KLHL2: variants seen among roughly 807,000 people sequenced by gnomAD.
KLHL2 encodes kelch like family member 2.
A neutral mutation model predicts 75.8 loss-of-function variants in KLHL2; 15 were observed. The observed-to-expected ratio is 0.20, with a 90% confidence interval of 0.13 to 0.30. KLHL2 has a LOEUF of 0.30. Ranked by LOEUF, KLHL2 falls within the 10% of genes least tolerant of loss-of-function variation. KLHL2 has a pLI of 1.00. For synonymous variants in KLHL2, 214 were observed against 251.9 expected (o/e 0.85, Z 1.42); for missense variants, 381 against 741.0 (o/e 0.51, Z 5.64).
chr4:165,218,104 A>T (rs2110972972), intron 1 of KLHL2, among the ~76,000 whole-genome samples: 1 of 152,194 alleles, frequency 6.6e-6, no homozygotes, highest in South Asian at 2.1e-4. Flanking sequence ...TCCCTAAGCC[A>T]CTGTCATTTT....
intron 9 of KLHL2, among the ~76,000 whole-genome samples, chr4:165,308,953 CA>C (rs971499910): frequency 1.3e-5 from 2 of 152,046 alleles, no homozygotes; most frequent in Non-Finnish European, 2.9e-5. Context: ...TGTATTTTTA[CA>C]GGGGTGGGGG....
At chr4:165,217,044 T>C (rs1177956898) in intron 1 of KLHL2, among the ~76,000 whole-genome samples, 2 of 152,182 alleles carry the variant, frequency 1.3e-5, no homozygotes, top group Admixed American at 6.5e-5. Flanking sequence ...ATATAAACAC[T>C]CCTGACTCTT....
chr4:165,317,980 T>C lies in KLHL2; in HGVS notation c.1753+11T>C, dbSNP rs763568230. The C allele has an allele frequency of 1.9e-6, 3 of 1,610,028 alleles. No individual in the cohort carries two copies. In the Admixed American group the frequency reaches 5.1e-5, roughly 27 times the overall value. ...GGAGAAGTTATGCAGGTAACAGTTGTCTCTAAAGTCAATTTCCGTACAAAA... is the reference window on the plus strand; with the variant it reads ...GGAGAAGTTATGCAGGTAACAGTTGCCTCTAAAGTCAATTTCCGTACAAAA... On this transcript the variant is annotated intron_variant, in intron 14 of 14. Coordinates refer to ENST00000226725, the MANE Select transcript of KLHL2 (RefSeq NM_007246.4).
intron 5 of KLHL2, among the ~76,000 whole-genome samples, chr4:165,280,399 G>T (rs10023176): frequency 8.6e-4 from 131 of 152,182 alleles, no homozygotes; most frequent in Non-Finnish European, 1.6e-3. Flanking sequence ...CCACCTTTCT[G>T]TAATTTAGGC....
chr4:165,264,736 ATATG>A (rs1426344457), intron 5 of KLHL2, among the ~76,000 whole-genome samples: 1,440 of 82,430 alleles, frequency 0.017, 95 homozygotes, highest in Non-Finnish European at 0.022. Context: ...ATATATATAT[ATATG>A]TATATATATA....
chr4:165,240,148 G>A (rs1037923195), intron 4 of KLHL2, among the ~76,000 whole-genome samples: 5 of 152,162 alleles, frequency 3.3e-5, no homozygotes, highest in African/African-American at 1.2e-4. Context: ...ATGCCAAATT[G>A]CCATCTGAAA....
chr4:165,250,123 CA>C (rs55913995), intron 4 of KLHL2, among the ~76,000 whole-genome samples: 303 of 134,500 alleles, frequency 2.3e-3, no homozygotes, highest in Admixed American at 4.5e-3. Context: ...GACTCCGTCT[CA>C]AAAAAAAAAA....
chr4:165,311,402 A>T, intron 10 of KLHL2, 62 bp from the exon 11 acceptor site: 1 of 1,167,942 alleles, frequency 8.6e-7, no homozygotes, highest in Non-Finnish European at 1.3e-6. Flanking sequence ...GTATTTTTCC[A>T]TATATATGAA....
At chr4:165,311,412 A>G (rs1221089961) in intron 10 of KLHL2, 52 bp from the exon 11 acceptor site, 1 of 1,288,720 alleles carries the variant, frequency 7.8e-7, no homozygotes, top group Non-Finnish European at 1.1e-6. Flanking sequence ...ATATATATGA[A>G]CTATTGACAT....
Position 165,317,908 on chromosome 4 carries a change from C to T in KLHL2, c.1692C>T (p.Asn564=), listed in dbSNP as rs1560836315. The part of the protein sequence containing the change: ...SCNLASVEYY[N]PTTDKWTVVS... ...ACTTGGCGTCAGTAGAATATTATAA[C>T]CCAACAACCGATAAATGGACAGTTG... The change falls in exon 14 of 15, where the codon AAC becomes AAT. Residue 564 remains asparagine (N), a synonymous_variant. Transcript: ENST00000226725. The T allele has an allele frequency of 3.1e-6, 5 of 1,613,726 alleles. No individual in the cohort carries two copies. Among genetic ancestry groups the T allele is most frequent in the Non-Finnish European group, 4.2e-6 (5 of 1,179,844 alleles).
chr4:165,240,944 A>G (rs1376563350), intron 4 of KLHL2, among the ~76,000 whole-genome samples: 1 of 152,232 alleles, frequency 6.6e-6, no homozygotes, highest in Non-Finnish European at 1.5e-5. Context: ...TTTAATAACT[A>G]TCATGTTCCA....
chr4:165,220,462 A>G lies in KLHL2; in HGVS notation c.152+403A>G, dbSNP rs1306486803. On this transcript the variant is annotated intron_variant, in intron 2 of 14. Coordinates refer to ENST00000226725, the MANE Select transcript of KLHL2 (RefSeq NM_007246.4). ...AGGCCAGGTGCGGTGACTCATGCCT[A>G]TAATCCCAGCACTTTGAGAGGCCAG... is the stretch of plus-strand genomic sequence containing the variant. Among the ~76,000 whole-genome samples the G allele has an allele frequency of 2.6e-5, 4 of 152,146 alleles. No homozygotes were observed. The East Asian group carries it at 5.8e-4, about 22-fold the overall frequency.
At chr4:165,306,804 T>G (rs776514156) in intron 9 of KLHL2, among the ~76,000 whole-genome samples, 1 of 152,244 alleles carries the variant, frequency 6.6e-6, no homozygotes, top group Non-Finnish European at 1.5e-5. Flanking sequence ...GTCTGTGATA[T>G]GTAGTGTGAA....
chr4:165,310,817 A>C, intron 10 of KLHL2, 67 bp downstream of exon 10: 2 of 1,319,436 alleles, frequency 1.5e-6, no homozygotes, highest in Non-Finnish European at 2.2e-6. Flanking sequence ...TTATGGAATA[A>C]ATTGTGGCAA....
chr4:165,259,317 G>T (rs1420656788), intron 4 of KLHL2, among the ~76,000 whole-genome samples: 1 of 152,078 alleles, frequency 6.6e-6, no homozygotes. Flanking sequence ...TGGCCAGGCT[G>T]GTCTTGAACT....
chr4:165,207,564 CCCGT>C lies in KLHL2; in HGVS notation c.-311_-308del, dbSNP rs1487453256. On this transcript the variant is annotated 5_prime_UTR_variant, in exon 1 of 15. Coordinates refer to ENST00000226725, the MANE Select transcript of KLHL2 (RefSeq NM_007246.4). The surrounding 1 kb of genome is among the most constrained non-coding windows in gnomAD (Gnocchi z 4.2). Reference sequence around the variant, plus strand: ...CCGCCGCGGGAGGCCGCATCGCAGTCCCGTCACAGCGTCGGCGCCGGCCGGGGCC... The same window carrying C: ...CCGCCGCGGGAGGCCGCATCGCAGTCCACAGCGTCGGCGCCGGCCGGGGCC... 1 of 150,390 alleles carries C rather than the reference CCCGT, an allele frequency of 6.6e-6. No homozygotes were observed. Among genetic ancestry groups the C allele is most frequent in the Non-Finnish European group, 1.5e-5 (1 of 67,112 alleles). The allele number at this position is 150,390 out of a possible 1,614,324, so 9.3% of individuals were successfully genotyped here.
intron 5 of KLHL2, among the ~76,000 whole-genome samples, chr4:165,270,042 T>C (rs1742563118): frequency 6.6e-6 from 1 of 152,188 alleles, no homozygotes; most frequent in South Asian, 2.1e-4. Flanking sequence ...TTCTCTAATC[T>C]TGTCTTCTTG....
chr4:165,251,843 T>A (rs1399327855), intron 4 of KLHL2, among the ~76,000 whole-genome samples: 1 of 151,978 alleles, frequency 6.6e-6, no homozygotes, highest in East Asian at 1.9e-4. Flanking sequence ...TCTCCTGACC[T>A]CGTGATCCGC....
At chr4:165,251,317 A>C (rs1367457605) in intron 4 of KLHL2, among the ~76,000 whole-genome samples, 1 of 151,884 alleles carries the variant, frequency 6.6e-6, no homozygotes, top group Non-Finnish European at 1.5e-5. Flanking sequence ...GAGGCATAAA[A>C]ATTTAAATTA....
Sources: allele counts gnomAD v4.1 joint callset (sites outside exome capture counted in the v4.1 genomes callset), GRCh38; gene constraint gnomAD v4.1.1; non-coding constraint Gnocchi (gnomAD v3.1); transcripts MANE v1.5; gene names NCBI Gene and HGNC (gene_info 2026-07-23, HGNC 2026-07-21).